ABLIM2: variants seen among roughly 807,000 people sequenced by gnomAD.
ABLIM2 encodes actin binding LIM protein family member 2.
Under a neutral mutation model 97.7 loss-of-function variants are expected in ABLIM2, and 53 were observed. The ratio of observed to expected loss-of-function variants is 0.54; its 90% CI spans 0.44 to 0.68. The LOEUF is 0.68. ABLIM2 is among the 30% of genes least tolerant of loss of function. The pLI, the probability that ABLIM2 is intolerant of heterozygous loss-of-function variation, is 0.00. For missense variants in ABLIM2, 835 were observed against 867.2 expected (o/e 0.96, Z 0.47); for synonymous variants, 361 against 345.8 (o/e 1.04, Z -0.49).
chr4:8,145,208 G>C (rs10018571), intron 1 of ABLIM2, among the ~76,000 whole-genome samples: 3,420 of 150,644 alleles, frequency 0.023, 116 homozygotes, highest in African/African-American at 0.08. Context: ...TTTCCAGACA[G>C]AGTCTCGCTC....
intron 17 of ABLIM2, among the ~76,000 whole-genome samples, chr4:7,989,894 G>T (rs1747327611): frequency 6.6e-6 from 1 of 152,214 alleles, no homozygotes; most frequent in South Asian, 2.1e-4. Flanking sequence ...CCCACAGGGA[G>T]AGAAGCAGCA....
chr4:8,009,936 G>T (rs563438569), intron 14 of ABLIM2, among the ~76,000 whole-genome samples: 2 of 152,292 alleles, frequency 1.3e-5, no homozygotes, highest in South Asian at 2.1e-4. Flanking sequence ...ATGAGCCCAG[G>T]CCTTCTGAGT....
intron 20 of ABLIM2, among the ~76,000 whole-genome samples, chr4:7,968,878 C>T (rs760321545): frequency 1.2e-4 from 18 of 152,186 alleles, no homozygotes; most frequent in South Asian, 4.1e-4. Flanking sequence ...TGGCAGCTCA[C>T]GCCTGTAATC....
Position 7,997,248 on chromosome 4 carries a change from T to C in ABLIM2, c.1619-4321A>G, listed in dbSNP as rs1225585804. On this transcript the variant is annotated intron_variant, in intron 16 of 20. Transcript: ENST00000447017. The stretch of plus-strand genomic sequence containing the variant: ...CATCATGTCCAGCTAACTTTTGTGT[T>C]TTTAGTAGAGACAGGGTTTCACCAT... Among the ~76,000 whole-genome samples the C allele has an allele frequency of 2.0e-5, 3 of 152,154 alleles. No individual in the cohort carries two copies. In the East Asian group the frequency reaches 5.8e-4, roughly 29 times the overall value.
chr4:7,989,425 C>G (rs932600420), intron 17 of ABLIM2: 9 of 985,388 alleles, frequency 9.1e-6, no homozygotes, highest in Non-Finnish European at 9.6e-6. Flanking sequence ...ACCCACCATA[C>G]TTGTATTTAA....
rs929381190 is a variant in ABLIM2, at chr4:8,004,468, G to T, written c.1618+3591C>A. On this transcript the variant is annotated intron_variant, in intron 16 of 20. Coordinates refer to ENST00000447017, the MANE Select transcript of ABLIM2 (RefSeq NM_001130083.2). This position sits in a 1 kb window ranked among gnomAD's most constrained non-coding sequence, Gnocchi z 5.9. ...TGGAGGAAAGGGTCTTATTCCCTTC[G>T]GAAGTGCTGGGTCCTTTCTAGGGGC... 1.3e-5 allele frequency among the ~76,000 whole-genome samples: 2 copies of T among 152,138 alleles called. No individual in the cohort carries two copies. Among genetic ancestry groups the T allele is most frequent in the Admixed American group, 1.3e-4 (2 of 15,282 alleles).
At chr4:8,093,589 C>A (rs1365564399) in intron 3 of ABLIM2, among the ~76,000 whole-genome samples, 1 of 152,130 alleles carries the variant, frequency 6.6e-6, no homozygotes, top group Non-Finnish European at 1.5e-5. Flanking sequence ...AATCCCATAC[C>A]CTTTAGCAGT....
At position 7,972,834 on chromosome 4, in the gene ABLIM2, A is replaced by G. The variant is rs1245796539; in HGVS notation, c.1825-5731T>C. Among the ~76,000 whole-genome samples, 11 of 152,274 alleles carry G rather than the reference A, an allele frequency of 7.2e-5. No homozygotes were observed. The East Asian group carries it at 2.1e-3, about 29-fold the overall frequency. ...GCAAACCCATCTCTCAGACACACCC[A>G]TGTGGCTCCAAACCTCCTATTGTCA... On this transcript the variant is annotated intron_variant, in intron 20 of 20. Coordinates refer to ENST00000447017, the MANE Select transcript of ABLIM2 (RefSeq NM_001130083.2).
chr4:8,120,128 G>A lies in ABLIM2; in HGVS notation c.11-13491C>T, dbSNP rs980048884. Among the ~76,000 whole-genome samples the A allele has an allele frequency of 6.6e-6, 1 of 152,130 alleles. No individual in the cohort carries two copies. The highest frequency in any genetic ancestry group is 2.4e-5 in the African/African-American group (1 of 41,424). On this transcript the variant is annotated intron_variant, in intron 1 of 20. Coordinates refer to ENST00000447017, the MANE Select transcript of ABLIM2 (RefSeq NM_001130083.2). The surrounding 1 kb of genome is among the most constrained non-coding windows in gnomAD (Gnocchi z 5.6). ...GAGCCTGAGAGGAGCCTCTCCTCTG[G>A]GAGGCAGGAAGAGAAAAACAGCCCA...
At chr4:8,135,561 GA>G (rs1850068311) in intron 1 of ABLIM2, among the ~76,000 whole-genome samples, 1 of 152,222 alleles carries the variant, frequency 6.6e-6, no homozygotes, top group Non-Finnish European at 1.5e-5. Flanking sequence ...AGACGTCATT[GA>G]TGAACCAGGA....
At chr4:8,133,289 A>G (rs1849688483) in intron 1 of ABLIM2, among the ~76,000 whole-genome samples, 1 of 152,186 alleles carries the variant, frequency 6.6e-6, no homozygotes, top group Non-Finnish European at 1.5e-5. Context: ...GGCTTCACTT[A>G]GCGGGAATGC....
At position 8,043,241 on chromosome 4, in the gene ABLIM2, C is replaced by T. The variant is rs1468845931; in HGVS notation, c.900+1923G>A. ...TGTCACCTAAAACTTTGATTAAATA[C>T]GTCTGTCATGCTTTTCTCTTGTGAA... On this transcript the variant is annotated intron_variant, in intron 9 of 20. Coordinates refer to ENST00000447017, the MANE Select transcript of ABLIM2 (RefSeq NM_001130083.2). The surrounding 1 kb of genome is among the most constrained non-coding windows in gnomAD (Gnocchi z 4.8). 6.6e-6 allele frequency among the ~76,000 whole-genome samples: 1 copy of T among 152,186 alleles called. No homozygotes were observed. Among genetic ancestry groups the T allele is most frequent in the African/African-American group, 2.4e-5 (1 of 41,456 alleles).
chr4:8,106,119 C>T (rs1030837954), intron 2 of ABLIM2, among the ~76,000 whole-genome samples: 4 of 152,304 alleles, frequency 2.6e-5, no homozygotes, highest in Non-Finnish European at 4.4e-5. Flanking sequence ...AAAGGTCCCG[C>T]GTGTCCCCCA....
chr4:7,997,759 GT>G (rs1310957939), intron 16 of ABLIM2, among the ~76,000 whole-genome samples: 4 of 152,102 alleles, frequency 2.6e-5, no homozygotes, highest in African/African-American at 9.7e-5. Context: ...ATCAGCTACT[GT>G]TTCTAAACTA....
At chr4:8,080,602 G>A (rs1819165979) in intron 5 of ABLIM2, 74 bp downstream of exon 5, 10 of 1,443,730 alleles carry the variant, frequency 6.9e-6, no homozygotes, top group South Asian at 1.5e-5. Flanking sequence ...CTGGGGACAC[G>A]TGCAGAGTGT....
In ABLIM2 at chr4:8,127,579, G is replaced by A. The variant is rs936338013; in HGVS notation, c.11-20942C>T. ...TCCCCCTGGCACCCCCATGGAGCGTGGCTGCTTGCAAAGGGCCAGCGGGTC... is the reference window on the plus strand; with the variant it reads ...TCCCCCTGGCACCCCCATGGAGCGTAGCTGCTTGCAAAGGGCCAGCGGGTC... On this transcript the variant is annotated intron_variant, in intron 1 of 20. Coordinates refer to ENST00000447017, the MANE Select transcript of ABLIM2 (RefSeq NM_001130083.2). This position sits in a 1 kb window ranked among gnomAD's most constrained non-coding sequence, Gnocchi z 7.3. The A allele has an allele frequency of 7.8e-7, 1 of 1,289,794 alleles. No individual in the cohort carries two copies. 79.9% of individuals were successfully genotyped at this position (1,289,794 alleles called of 1,614,324 possible). A position where few individuals can be genotyped will look rare whatever the true frequency, so the allele number is the denominator to read the frequency against.
rs1560305698 is a variant in ABLIM2 at position 7,970,268 on chromosome 4, G to C, written c.1825-3165C>G. ...GAGGAGAGTTCAGTGCTGGTGCCTGGGGCAGGCCTCCCTGTGGCCACATTC... is the reference window on the plus strand; with the variant it reads ...GAGGAGAGTTCAGTGCTGGTGCCTGCGGCAGGCCTCCCTGTGGCCACATTC... On this transcript the variant is annotated intron_variant, in intron 20 of 20. Transcript: ENST00000447017. The surrounding 1 kb of genome is among the most constrained non-coding windows in gnomAD (Gnocchi z 5.3). Among the ~76,000 whole-genome samples, 1 of 152,108 alleles carries C rather than the reference G, an allele frequency of 6.6e-6. No individual in the cohort carries two copies. The highest frequency in any genetic ancestry group is 2.4e-5 in the African/African-American group (1 of 41,438).
At position 8,100,771 on chromosome 4, in the gene ABLIM2, A is replaced by G. The variant is rs960004054; in HGVS notation, c.155-3489T>C. ...CAGGAAAAAAAAAAAAAAAAAAAAA[A>G]AGAAATCAATGAGATGAGGTCTAAC... On this transcript the variant is annotated intron_variant, in intron 2 of 20. Coordinates refer to ENST00000447017, the MANE Select transcript of ABLIM2 (RefSeq NM_001130083.2). Among the ~76,000 whole-genome samples the G allele has an allele frequency of 9.0e-5, 12 of 132,658 alleles. No homozygotes were observed. The East Asian group carries it at 2.5e-3, about 27-fold the overall frequency. The allele number at this position is 132,658 out of a possible 152,430, so 87.0% of individuals were successfully genotyped here.
intron 9 of ABLIM2, 149 bp downstream of exon 9, chr4:8,045,015 G>A (rs1430297290): frequency 7.1e-6 from 5 of 699,886 alleles, no homozygotes; most frequent in Non-Finnish European, 1.2e-5. Flanking sequence ...CCTCCACCCC[G>A]AAGCAGGGAC....
Sources: gnomAD v4.1 joint callset for allele counts (sites outside exome capture counted in the v4.1 genomes callset) on GRCh38, gnomAD v4.1.1 for gene constraint, Gnocchi (gnomAD v3.1) non-coding constraint, MANE v1.5 for transcripts, NCBI Gene and HGNC (gene_info 2026-07-23, HGNC 2026-07-21) for gene names.